Variants in KLHL3 observed in about 807,000 individuals in gnomAD.
KLHL3 encodes the protein kelch like family member 3.
Under a neutral mutation model 70.5 loss-of-function variants are expected in KLHL3, and 19 were observed. That is an observed-to-expected ratio of 0.27 (90% confidence interval 0.19 to 0.40). The LOEUF is 0.40. Among genes scored for constraint, KLHL3 ranks in the 10% least tolerant of loss-of-function variants. The probability of loss-of-function intolerance (pLI) is 1.00; values close to 1 mark genes in which losing one functional copy is unlikely to be tolerated. For synonymous variants in KLHL3, 258 were observed against 290.3 expected (o/e 0.89, Z 1.13); for missense variants, 512 against 771.1 (o/e 0.66, Z 3.98).
chr5:137,658,767 C>T (rs1021940060), intron 7 of KLHL3, among the ~76,000 whole-genome samples: 4 of 152,138 alleles, frequency 2.6e-5, no homozygotes, highest in Admixed American at 2.0e-4. Flanking sequence ...GTAAAATAAG[C>T]TTGTCAAGGA....
intron 6 of KLHL3, chr5:137,672,683 A>T (rs1194705638): frequency 6.6e-6 from 1 of 152,188 alleles, no homozygotes; most frequent in Non-Finnish European, 1.5e-5. Flanking sequence ...GGAAAGCCAA[A>T]ATTCAAAGAA....
At chr5:137,675,028 T>C (rs1751852780) in intron 6 of KLHL3, among the ~76,000 whole-genome samples, 1 of 152,214 alleles carries the variant, frequency 6.6e-6, no homozygotes, top group African/African-American at 2.4e-5. Flanking sequence ...CCACTATTCT[T>C]TAATAAACCT....
In KLHL3 at chr5:137,698,330, T is replaced by C; in HGVS notation, c.320A>G (p.Tyr107Cys). ...CACCTCGATTTCAGCAGTATAGATG[T>C]AGTCAATCAGCTTACTCAGCGTCTG... ...DGQTLSKLID[Y>C]IYTAEIEVTE... The change falls in exon 4 of 15, where the codon TAC becomes TGC. Residue 107 changes from tyrosine (Y) to cysteine (C), a missense_variant. Coordinates refer to ENST00000309755, the MANE Select transcript of KLHL3 (RefSeq NM_017415.3). The C allele has an allele frequency of 6.2e-7, 1 of 1,614,236 alleles. No homozygotes were observed. Among genetic ancestry groups the C allele is most frequent in the Non-Finnish European group, 8.5e-7 (1 of 1,180,016 alleles).
chr5:137,692,853 C>CACACAA (rs1554094622), intron 4 of KLHL3, among the ~76,000 whole-genome samples: 1 of 151,464 alleles, frequency 6.6e-6, no homozygotes, highest in Non-Finnish European at 1.5e-5. Context: ...CACACACACA[C>CACACAA]AATGGTTCTC....
rs756411392 is a variant in KLHL3 at position 137,677,622 on chromosome 5, C to A, written c.559G>T (p.Glu187Ter). 2 of 1,606,878 alleles carry A rather than the reference C, an allele frequency of 1.2e-6. No individual in the cohort carries two copies. Among genetic ancestry groups the A allele is most frequent in the Non-Finnish European group, 1.7e-6 (2 of 1,176,656 alleles). ...TGGTCCAGACTCAGGCTAAGAAATTCTTCTCCTAGCATCACCTCTGGAAAG... is the reference window on the plus strand; with the variant it reads ...TGGTCCAGACTCAGGCTAAGAAATTATTCTCCTAGCATCACCTCTGGAAAG... ...QHFPEVMLGEEFLSLSLDQVC... is the reference protein window; with the variant it reads ...QHFPEVMLGE Residue 187 changes from glutamate to a stop codon, truncating the protein, a stop_gained, in exon 6 of 15, where the codon GAA becomes TAA. Coordinates refer to ENST00000309755, the MANE Select transcript of KLHL3 (RefSeq NM_017415.3). LOFTEE classifies it high-confidence loss of function.
At chr5:137,715,422 C>T (rs1752875008) in intron 2 of KLHL3, among the ~76,000 whole-genome samples, 1 of 152,186 alleles carries the variant, frequency 6.6e-6, no homozygotes, top group Admixed American at 6.5e-5. Flanking sequence ...TATACCCAGC[C>T]TCTCTCTAGT....
At chr5:137,644,894 C>T (rs934552199) in intron 8 of KLHL3, among the ~76,000 whole-genome samples, 2 of 152,110 alleles carry the variant, frequency 1.3e-5, no homozygotes, top group Non-Finnish European at 2.9e-5. Flanking sequence ...CCATGATGAA[C>T]ACAGATACAA....
In KLHL3 at chr5:137,698,305, C is replaced by A; in HGVS notation, c.345G>T (p.Val115=). The A allele has an allele frequency of 6.2e-7, 1 of 1,614,194 alleles. No homozygotes were observed. The highest frequency in any genetic ancestry group is 8.5e-7 in the Non-Finnish European group (1 of 1,180,016). ...AGTTTACCTGGACATTCTCTTCAGT[C>A]ACCTCGATTTCAGCAGTATAGATGT... ...IDYIYTAEIE[V]TEENVQVLLP... The change falls in exon 4 of 15, where the codon GTG becomes GTT. Residue 115 remains valine (V), a synonymous_variant. Coordinates refer to ENST00000309755, the MANE Select transcript of KLHL3 (RefSeq NM_017415.3).
At chr5:137,670,965 C>A (rs1275628277) in intron 6 of KLHL3, among the ~76,000 whole-genome samples, 1 of 82,674 alleles carries the variant, frequency 1.2e-5, no homozygotes, top group Non-Finnish European at 2.3e-5. Context: ...GAGCGAGACT[C>A]CACCTCAAAA....
In KLHL3 at chr5:137,617,580, A is replaced by G. The variant is rs1438834488; in HGVS notation, c.*4518T>C. ...CTGTTAAAATAATACATTTGAGGAAATGTTTCTTCAGCTATTGCTGTAACT... is the reference window on the plus strand; with the variant it reads ...CTGTTAAAATAATACATTTGAGGAAGTGTTTCTTCAGCTATTGCTGTAACT... On this transcript the variant is annotated 3_prime_UTR_variant, in exon 15 of 15. Coordinates refer to ENST00000309755, the MANE Select transcript of KLHL3 (RefSeq NM_017415.3). 3 of 152,250 alleles carry G rather than the reference A, an allele frequency of 2.0e-5. No homozygotes were observed. Among genetic ancestry groups the G allele is most frequent in the Non-Finnish European group, 4.4e-5 (3 of 68,040 alleles). 9.4% of individuals were successfully genotyped at this position (152,250 alleles called of 1,614,324 possible). A position where few individuals can be genotyped will look rare whatever the true frequency, so the allele number is the denominator to read the frequency against.
intron 5 of KLHL3, among the ~76,000 whole-genome samples, chr5:137,690,124 G>A (rs1290820387): frequency 2.0e-5 from 3 of 152,184 alleles, no homozygotes; most frequent in Admixed American, 6.5e-5. Context: ...TCAGTAGATC[G>A]AGACCATCTT....
chr5:137,724,013 G>A (rs1753046783), intron 1 of KLHL3, among the ~76,000 whole-genome samples: 1 of 152,204 alleles, frequency 6.6e-6, no homozygotes, highest in Non-Finnish European at 1.5e-5. Context: ...ATCAAGGGTG[G>A]AAAGGGCTCT....
chr5:137,692,645 T>C (rs1179069600), intron 4 of KLHL3, 198 bp from the exon 5 acceptor site: 1 of 572,340 alleles, frequency 1.7e-6, no homozygotes, highest in Admixed American at 3.1e-5. Context: ...ACCAGCAGAT[T>C]CTCTGTATCC....
intron 3 of KLHL3, among the ~76,000 whole-genome samples, chr5:137,701,050 G>A (rs768676578): frequency 5.4e-5 from 8 of 147,682 alleles, no homozygotes; most frequent in African/African-American, 1.8e-4. Flanking sequence ...TTTTTTTTTC[G>A]AGATGGAGTT....
intron 5 of KLHL3, among the ~76,000 whole-genome samples, chr5:137,677,997 TC>T (rs1751928915): frequency 6.6e-6 from 1 of 152,120 alleles, no homozygotes; most frequent in Non-Finnish European, 1.5e-5. Flanking sequence ...TGAGCTTATT[TC>T]CCCTCAGAGT....
intron 5 of KLHL3, 82 bp downstream of exon 5, chr5:137,692,203 A>G: frequency 7.9e-7 from 1 of 1,264,892 alleles, no homozygotes; most frequent in Non-Finnish European, 1.1e-6. Flanking sequence ...ACCACTTCTC[A>G]TAATCTTTGA....
intron 2 of KLHL3, among the ~76,000 whole-genome samples, chr5:137,712,271 G>A (rs140520874): frequency 6.6e-6 from 1 of 152,112 alleles, no homozygotes; most frequent in African/African-American, 2.4e-5. Context: ...AGTGCTAGGA[G>A]CTGAACAAAC....
chr5:137,630,839 G>A (rs62375430), intron 12 of KLHL3, among the ~76,000 whole-genome samples: 27,936 of 151,926 alleles, frequency 0.18, 2,739 homozygotes, highest in Non-Finnish European at 0.22. Context: ...ATGGCCCCAC[G>A]TTCAGGAAGG....
Position 137,639,768 on chromosome 5 carries a change from T to A in KLHL3, c.1021+92A>T, listed in dbSNP as rs1750864723. 1 of 897,202 alleles carries A rather than the reference T, an allele frequency of 1.1e-6. No homozygotes were observed. Among genetic ancestry groups the A allele is most frequent in the South Asian group, 1.4e-5 (1 of 69,626 alleles). 55.6% of individuals were successfully genotyped at this position (897,202 alleles called of 1,614,324 possible). On this transcript the variant is annotated intron_variant, in intron 9 of 14. Transcript: ENST00000309755. This position sits in a 1 kb window ranked among gnomAD's most constrained non-coding sequence, Gnocchi z 5.0. The stretch of plus-strand genomic sequence containing the variant: ...CGAATGGGAGCCTGAAATGCACAGA[T>A]GCTTGAGGAAACAAGGAGTAGCTCA...
Sources: gnomAD v4.1 joint callset for allele counts (sites outside exome capture counted in the v4.1 genomes callset) on GRCh38, gnomAD v4.1.1 for gene constraint, Gnocchi (gnomAD v3.1) non-coding constraint, MANE v1.5 for transcripts, NCBI Gene and HGNC (gene_info 2026-07-23, HGNC 2026-07-21) for gene names.